The following LRRIQ1 variants were observed in gnomAD, a reference collection of about 807,000 sequenced individuals.
LRRIQ1 encodes the protein leucine-rich repeat- and IQ domain-containing protein 1.
In LRRIQ1, 210 loss-of-function variants were observed where a neutral mutation model predicts 211.9. The observed-to-expected ratio is 0.99, with a 90% CI of 0.89 to 1.11. The LOEUF (loss-of-function observed/expected upper bound fraction) is 1.11, where lower values mean the gene tolerates loss of function less well. LRRIQ1 is among the 50% of genes most tolerant of loss of function. The pLI, the probability that LRRIQ1 is intolerant of heterozygous loss-of-function variation, is 0.00. For synonymous variants in LRRIQ1, 699 were observed against 650.1 expected (o/e 1.08, Z -1.14); for missense variants, 2,136 against 1,939.5 (o/e 1.10, Z -1.90).
intron 24 of LRRIQ1, among the ~76,000 whole-genome samples, chr12:85,196,270 C>G (rs1465593995): frequency 1.3e-5 from 2 of 151,992 alleles, no homozygotes; most frequent in Admixed American, 1.3e-4. Flanking sequence ...TTTATAGATT[C>G]AATGCCATCC....
In LRRIQ1 at chr12:85,066,767, T is replaced by C; in HGVS notation, c.2564T>C (p.Ile855Thr). The stretch of plus-strand genomic sequence containing the variant: ...CTTCAGGAAAACCATATTGAGGCTA[T>C]TGAGTGTGAAAATTTGGAAAATCTC... ...IDAQENHIEA[I>T]ECENLENLCV... The change falls in exon 10 of 27, where the codon ATT becomes ACT. Residue 855 changes from isoleucine to threonine, a missense_variant. By Grantham distance (89) the Ile-to-Thr change is moderately conservative (BLOSUM62 -1). Transcript: ENST00000393217. 12 of 1,594,502 alleles carry C rather than the reference T, an allele frequency of 7.5e-6. No homozygotes were observed. Among genetic ancestry groups the C allele is most frequent in the African/African-American group, 1.4e-5 (1 of 73,996 alleles).
chr12:85,166,648 A>T (rs376923654), intron 24 of LRRIQ1, among the ~76,000 whole-genome samples: 5 of 152,174 alleles, frequency 3.3e-5, no homozygotes, highest in African/African-American at 1.2e-4. Context: ...CTAGCTGTTT[A>T]TAGTACTTGC....
intron 19 of LRRIQ1, among the ~76,000 whole-genome samples, chr12:85,145,721 C>T (rs1234952934): frequency 6.6e-6 from 1 of 151,676 alleles, no homozygotes; most frequent in East Asian, 1.9e-4. Context: ...CCTGCCCATC[C>T]TGTGCTCCAC....
intron 24 of LRRIQ1, among the ~76,000 whole-genome samples, chr12:85,192,107 G>A (rs1892543943): frequency 6.6e-6 from 1 of 151,640 alleles, no homozygotes; most frequent in Admixed American, 6.6e-5. Context: ...ATAAGTGTAA[G>A]TATTATAGTA....
chr12:85,184,327 TATG>T (rs1892130704), intron 24 of LRRIQ1, among the ~76,000 whole-genome samples: 1 of 152,056 alleles, frequency 6.6e-6, no homozygotes, highest in Admixed American at 6.6e-5. Context: ...TCCATTTCAT[TATG>T]ATAACTGAGA....
chr12:85,038,235 G>T lies in LRRIQ1; in HGVS notation c.59G>T (p.Ser20Ile). 1 of 1,585,974 alleles carries T rather than the reference G, an allele frequency of 6.3e-7. No individual in the cohort carries two copies. Among genetic ancestry groups the T allele is most frequent in the Non-Finnish European group, 8.6e-7 (1 of 1,164,552 alleles). The change falls in exon 2 of 27, where the codon AGC (serine) becomes ATC (isoleucine). Residue 20 changes from serine to isoleucine, a missense_variant. Physicochemically the swap from Ser to Ile is moderately radical, Grantham distance 142. Transcript: ENST00000393217. ...AEIEAELDKL[S>I]ISSLEKEDIE... ...ATAGAAGCTGAATTGGATAAACTCA[G>T]CATTTCCTCCTTGGAAAAAGAAGAC...
At chr12:85,265,025 G>A (rs1896392107), downstream of LRRIQ1, among the ~76,000 whole-genome samples, 1 of 152,026 alleles carries the variant, frequency 6.6e-6, no homozygotes, top group Non-Finnish European at 1.5e-5. Flanking sequence ...ATATTTTGAT[G>A]AGAATCAACT....
rs878863537 is a variant in LRRIQ1 at position 85,245,043 on chromosome 12, A to T, written c.*102A>T. ...GAACTGCCCAAAAATGTGTATTTAA[A>T]TTTTTTCTTTCTTTAAATATCCTCT... On this transcript the variant is annotated 3_prime_UTR_variant, in exon 27 of 27. Coordinates refer to ENST00000393217, the MANE Select transcript of LRRIQ1 (RefSeq NM_001079910.2). The T allele has an allele frequency of 1.6e-5, 23 of 1,426,064 alleles. No homozygotes were observed. In the South Asian group the frequency reaches 2.8e-4, roughly 17 times the overall value. 88.3% of individuals were successfully genotyped at this position (1,426,064 alleles called of 1,614,324 possible).
At chr12:85,099,743 A>G (rs1886196037) in intron 13 of LRRIQ1, among the ~76,000 whole-genome samples, 1 of 151,812 alleles carries the variant, frequency 6.6e-6, no homozygotes, top group South Asian at 2.1e-4. Context: ...AAAACACACG[A>G]ATAAGGACAA....
At chr12:85,161,832 A>T (rs1890898169) in intron 24 of LRRIQ1, among the ~76,000 whole-genome samples, 1 of 152,146 alleles carries the variant, frequency 6.6e-6, no homozygotes, top group Admixed American at 6.5e-5. Context: ...CGAGATCAGG[A>T]GATCGAGACC....
intron 26 of LRRIQ1, among the ~76,000 whole-genome samples, chr12:85,237,723 A>G (rs983334405): frequency 3.9e-5 from 6 of 152,260 alleles, no homozygotes; most frequent in African/African-American, 1.2e-4. Context: ...AGATCCACAT[A>G]GTAAAACATA....
intron 23 of LRRIQ1, among the ~76,000 whole-genome samples, chr12:85,156,084 A>T (rs929077965): frequency 7.9e-5 from 12 of 151,668 alleles, no homozygotes. Context: ...AAAATCCTAA[A>T]TGGCAATTGT....
rs1182472424 is a variant in LRRIQ1, at chr12:85,244,955, A to G, written c.*14A>G. The G allele has an allele frequency of 6.2e-7, 1 of 1,608,758 alleles. No homozygotes were observed. The highest frequency in any genetic ancestry group is 8.5e-7 in the Non-Finnish European group (1 of 1,176,780). On this transcript the variant is annotated 3_prime_UTR_variant, in exon 27 of 27. Coordinates refer to ENST00000393217, the MANE Select transcript of LRRIQ1 (RefSeq NM_001079910.2). ...AAATTAATTTAGAAATCACAAACGA[A>G]TTGATGGAACCTAATGCCAACAAGC...
At chr12:85,199,514 T>C (rs1055085416) in intron 24 of LRRIQ1, among the ~76,000 whole-genome samples, 1 of 152,152 alleles carries the variant, frequency 6.6e-6, no homozygotes, top group Non-Finnish European at 1.5e-5. Flanking sequence ...TGTGGCCTTA[T>C]AGTATAGTTT....
intron 26 of LRRIQ1, among the ~76,000 whole-genome samples, chr12:85,241,233 A>G (rs890218959): frequency 2.0e-5 from 3 of 151,976 alleles, no homozygotes; most frequent in African/African-American, 4.8e-5. Context: ...TTAAACTTCT[A>G]TGGGAGTTGA....
intron 24 of LRRIQ1, among the ~76,000 whole-genome samples, chr12:85,206,026 G>A (rs1893526428): frequency 6.6e-6 from 1 of 152,180 alleles, no homozygotes; most frequent in Non-Finnish European, 1.5e-5. Context: ...TGGACCACTG[G>A]CCGCAACACT....
At chr12:85,184,721 C>T (rs1430607334) in intron 24 of LRRIQ1, among the ~76,000 whole-genome samples, 4 of 151,500 alleles carry the variant, frequency 2.6e-5, no homozygotes, top group African/African-American at 9.7e-5. Context: ...TTTTTTTTTG[C>T]TTTTCTGTAA....
intron 24 of LRRIQ1, among the ~76,000 whole-genome samples, chr12:85,192,008 T>G (rs1416965906): frequency 6.6e-6 from 1 of 151,936 alleles, no homozygotes; most frequent in Non-Finnish European, 1.5e-5. Context: ...TTTAAGTATT[T>G]TACATTCATG....
intron 5 of LRRIQ1, 76 bp from the exon 6 acceptor site, chr12:85,047,171 T>A (rs888969152): frequency 8.4e-5 from 92 of 1,097,878 alleles, no homozygotes; most frequent in Non-Finnish European, 1.1e-4. Context: ...ATTAAAAAAA[T>A]TACTTTTATA....
Sources: allele counts gnomAD v4.1 joint callset (sites outside exome capture counted in the v4.1 genomes callset), GRCh38; gene constraint gnomAD v4.1.1; transcripts MANE v1.5; gene names NCBI Gene and HGNC (gene_info 2026-07-23, HGNC 2026-07-21).